Variants in SETD1B observed in about 807,000 individuals in gnomAD.
SETD1B encodes SET domain containing 1B, histone lysine methyltransferase.
In SETD1B, 7 loss-of-function variants were observed where a neutral mutation model predicts 148.0. That is an observed-to-expected ratio of 0.05 (90% CI 0.03 to 0.09). The LOEUF (loss-of-function observed/expected upper bound fraction) is 0.09, where lower values mean the gene tolerates loss of function less well. Among genes scored for constraint, SETD1B ranks in the 10% least tolerant of loss-of-function variants. The probability of loss-of-function intolerance (pLI) is 1.00; values close to 1 mark genes in which losing one functional copy is unlikely to be tolerated. For missense variants in SETD1B, 2,155 were observed against 2,729.9 expected (o/e 0.79, Z 4.69); for synonymous variants, 1,361 against 1,186.5 (o/e 1.15, Z -3.02).
rs1877039151 is a variant in SETD1B at position 121,830,403 on chromosome 12, C to T, written c.*164C>T. ...GCGCCCCACACTACCCCCTGGAGCC[C>T]CTGGCTCCGGCCCCTCCGCGGGAAA... On this transcript the variant is annotated 3_prime_UTR_variant, in exon 17 of 17. Transcript: ENST00000604567. This position sits in a 1 kb window ranked among gnomAD's most constrained non-coding sequence, Gnocchi z 5.7. 8.1e-6 allele frequency: 5 copies of T among 620,114 alleles called. 1 individual carries two copies. Among genetic ancestry groups the T allele is most frequent in the Non-Finnish European group, 1.4e-5 (5 of 366,442 alleles). The allele number at this position is 620,114 out of a possible 1,614,324, so 38.4% of individuals were successfully genotyped here.
chr12:121,799,740 G>GGGGGGGGGGGGGC (rs1566540807), upstream of SETD1B: 1 of 109,094 alleles, frequency 9.2e-6, no homozygotes, highest in Non-Finnish European at 2.1e-5. Flanking sequence ...GTGGGGTGGG[G>GGGGGGGGGGGGGC]CGGGGCCGCA....
intron 6 of SETD1B, among the ~76,000 whole-genome samples, chr12:121,812,464 A>G (rs895978065): frequency 6.6e-5 from 10 of 150,904 alleles, no homozygotes; most frequent in Non-Finnish European, 1.5e-4. Context: ...GGTGCCGCAC[A>G]GGATGCTCCC....
At chr12:121,793,337 G>GC in the SETD1B span, 83 of 1,434,374 alleles carry the variant, frequency 5.8e-5, no homozygotes, top group Non-Finnish European at 7.1e-5. Context: ...TCCCGGATCA[G>GC]CCCCCCCTCA....
At position 121,830,987 on chromosome 12, in the gene SETD1B, T is replaced by G. The variant is rs1877066751; in HGVS notation, c.*748T>G. 1 of 152,438 alleles carries G rather than the reference T, an allele frequency of 6.6e-6. No individual in the cohort carries two copies. The highest frequency in any genetic ancestry group is 2.1e-4 in the South Asian group (1 of 4,834). The allele number at this position is 152,438 out of a possible 1,614,324, so 9.4% of individuals were successfully genotyped here. On this transcript the variant is annotated 3_prime_UTR_variant, in exon 17 of 17. Transcript: ENST00000604567. This position sits in a 1 kb window ranked among gnomAD's most constrained non-coding sequence, Gnocchi z 5.7. ...AGGGGTCTCCGCTCTGGGCTTTCCC[T>G]GCCACCTCACACCCCAGCACCCCCT...
At position 121,817,776 on chromosome 12, in the gene SETD1B, C is replaced by A; in HGVS notation, c.3313-23C>A. The A allele has an allele frequency of 6.5e-7, 1 of 1,544,758 alleles. No individual in the cohort carries two copies. Among genetic ancestry groups the A allele is most frequent in the Non-Finnish European group, 8.7e-7 (1 of 1,143,090 alleles). ...GGGCCAGACCCTTCGGCTCACCTGT[C>A]CCCACTCTTCCTTCTCCCCCAGGAT... is the stretch of plus-strand genomic sequence containing the variant. On this transcript the variant is annotated intron_variant, in intron 9 of 16. Transcript: ENST00000604567. The surrounding 1 kb of genome is among the most constrained non-coding windows in gnomAD (Gnocchi z 8.1).
intron 7 of SETD1B, among the ~76,000 whole-genome samples, chr12:121,815,786 C>T (rs1349021614): frequency 6.6e-6 from 1 of 151,750 alleles, no homozygotes; most frequent in Non-Finnish European, 1.5e-5. Context: ...TATGCGTCAG[C>T]CACCGCTCCT....
At position 121,810,253 on chromosome 12, in the gene SETD1B, C is replaced by G. The variant is rs1344662348; in HGVS notation, c.1308C>G (p.Pro436=). Residue 436 remains proline (P), a synonymous_variant, in exon 6 of 17, where the codon CCC becomes CCG. Coordinates refer to ENST00000604567, the MANE Select transcript of SETD1B (RefSeq NM_001353345.2). This position sits in a 1 kb window ranked among gnomAD's most constrained non-coding sequence, Gnocchi z 7.6. ...GEFRRAPAPP[P]LPPAEPLAKE... is the part of the protein sequence containing the mutation. The stretch of plus-strand genomic sequence containing the variant: ...TCCGGAGGGCACCGGCGCCCCCACC[C>G]CTGCCACCTGCTGAGCCTCTGGCCA... 2 of 1,545,924 alleles carry G rather than the reference C, an allele frequency of 1.3e-6. No homozygotes were observed. Among genetic ancestry groups the G allele is most frequent in the Non-Finnish European group, 1.7e-6 (2 of 1,146,804 alleles).
the SETD1B span, chr12:121,795,348 A>G: frequency 1.3e-5 from 2 of 152,322 alleles, no homozygotes; most frequent in African/African-American, 4.8e-5. Flanking sequence ...AAGCAGTGCA[A>G]TGGAGGTTGG....
chr12:121,801,202 G>A (rs1044470928), upstream of SETD1B: 5 of 152,256 alleles, frequency 3.3e-5, no homozygotes, highest in Non-Finnish European at 7.3e-5. Flanking sequence ...ACGATCGAAA[G>A]GAAAGTGGGC....
rs1487558104 is a variant in SETD1B at position 121,810,261 on chromosome 12, C to A, written c.1316C>A (p.Pro439His). Residue 439 changes from proline (P) to histidine (H), a missense_variant, in exon 6 of 17, where the codon CCT (proline) becomes CAT (histidine). Physicochemically the swap from Pro to His is moderately conservative, Grantham distance 77. Transcript: ENST00000604567. This position sits in a 1 kb window ranked among gnomAD's most constrained non-coding sequence, Gnocchi z 7.6. ...RRAPAPPPLP[P>H]AEPLAKEKPG... is the part of the protein sequence containing the mutation. Reference sequence around the variant, plus strand: ...GCACCGGCGCCCCCACCCCTGCCACCTGCTGAGCCTCTGGCCAAGGAGAAG... The same window carrying A: ...GCACCGGCGCCCCCACCCCTGCCACATGCTGAGCCTCTGGCCAAGGAGAAG... 21 of 1,545,356 alleles carry A rather than the reference C, an allele frequency of 1.4e-5. No individual in the cohort carries two copies. Among genetic ancestry groups the A allele is most frequent in the Non-Finnish European group, 1.8e-5 (21 of 1,146,782 alleles).
upstream of SETD1B, chr12:121,802,927 C>T (rs1345304642): frequency 6.6e-6 from 1 of 152,266 alleles, no homozygotes; most frequent in East Asian, 1.9e-4. Flanking sequence ...CATCTGTTGG[C>T]CTCTCCTTCG....
chr12:121,817,291 G>A lies in SETD1B; in HGVS notation c.2974G>A (p.Glu992Lys). Residue 992 changes from glutamate (E) to lysine (K), a missense_variant, in exon 8 of 17, where the codon GAA (glutamate) becomes AAA (lysine). Transcript: ENST00000604567. The surrounding 1 kb of genome is among the most constrained non-coding windows in gnomAD (Gnocchi z 8.1). ...RPSTSVDEED[E>K]ESERERDRDM... is the part of the protein sequence containing the mutation. ...CTCGACCTCTGTGGATGAGGAAGAT[G>A]AAGGTTCGTGCTCTGGGTGCTGGGG... is the stretch of plus-strand genomic sequence containing the variant. The A allele has an allele frequency of 6.5e-7, 1 of 1,550,146 alleles. No homozygotes were observed. Among genetic ancestry groups the A allele is most frequent in the Non-Finnish European group, 8.7e-7 (1 of 1,146,466 alleles).
Position 121,804,778 on chromosome 12 carries a change from C to A in SETD1B, c.41C>A (p.Pro14His). The change falls in exon 2 of 17, where the codon CCC becomes CAC. Residue 14 changes from proline (P) to histidine (H), a missense_variant. This residue lies in a region of SETD1B where 36 missense variants were observed against 23.5 expected (regional missense o/e 1.53). Transcript: ENST00000604567. The surrounding 1 kb of genome is among the most constrained non-coding windows in gnomAD (Gnocchi z 4.6). ...CCCCCCCACCACCACCACCAGCAGCCCCCGCCGCAGCCCGGCCCTTCGGGC... is the reference window on the plus strand; with the variant it reads ...CCCCCCCACCACCACCACCAGCAGCACCCGCCGCAGCCCGGCCCTTCGGGC... ...SHPPHHHHQQ[P>H]PPQPGPSGER... The A allele has an allele frequency of 6.4e-7, 1 of 1,550,890 alleles. No individual in the cohort carries two copies. Among genetic ancestry groups the A allele is most frequent in the Non-Finnish European group, 8.7e-7 (1 of 1,146,770 alleles).
At chr12:121,797,096 GGAA>G in the SETD1B span, 1 of 235,104 alleles carries the variant, frequency 4.3e-6, no homozygotes, top group Non-Finnish European at 8.6e-6. Context: ...GGAGCTTGCT[GGAA>G]GTCACATGCC....
the SETD1B span, chr12:121,793,119 C>A: frequency 6.5e-7 from 1 of 1,538,216 alleles, no homozygotes. Context: ...GGCGGGCGGA[C>A]CCTCGGGCCC....
In SETD1B at chr12:121,811,041, C is replaced by G. The variant is rs139268466; in HGVS notation, c.1890+206C>G. ...TGAGCAATTGGTTTGGCAATGAGCT[C>G]CCTAGCAGCCGTGGAGAGAAGGAAA... On this transcript the variant is annotated intron_variant, in intron 6 of 16. Transcript: ENST00000604567. Among the ~76,000 whole-genome samples, 15 of 152,310 alleles carry G rather than the reference C, an allele frequency of 9.8e-5. No individual in the cohort carries two copies. The East Asian group carries it at 2.9e-3, about 29-fold the overall frequency.
Position 121,814,662 on chromosome 12 carries a change from C to G in SETD1B, c.2447C>G (p.Pro816Arg). The change falls in exon 7 of 17, where the codon CCC (proline) becomes CGC (arginine). Residue 816 changes from proline (P) to arginine (R), a missense_variant. By Grantham distance (103) the Pro-to-Arg change is moderately radical. Around this residue, in one of 11 missense-constraint regions of SETD1B, gnomAD observed 289 missense variants for 423.7 expected, o/e 0.68. Transcript: ENST00000604567. ...GGGCTCCAGTTTGTCAACCTGCCGC[C>G]CTACCGGGGCCCCTTCTCCCTGAGC... The part of the protein sequence containing the change: ...SAGLQFVNLP[P>R]YRGPFSLSNS... 6.5e-7 allele frequency: 1 copy of G among 1,549,272 alleles called. No homozygotes were observed. The highest frequency in any genetic ancestry group is 8.7e-7 in the Non-Finnish European group (1 of 1,146,384).
intron 7 of SETD1B, among the ~76,000 whole-genome samples, chr12:121,816,726 G>A (rs1876307782): frequency 6.6e-6 from 1 of 152,252 alleles, no homozygotes; most frequent in African/African-American, 2.4e-5. Context: ...TGTGAAGGTG[G>A]TGTTGCACAG....
intron 7 of SETD1B, among the ~76,000 whole-genome samples, chr12:121,815,823 C>CTTT (rs994063316): frequency 1.2e-4 from 14 of 118,176 alleles, no homozygotes; most frequent in African/African-American, 3.3e-4. Context: ...TCTTTTCTTT[C>CTTT]TTTTTTTTTT....
Sources: gnomAD v4.1 joint callset for allele counts (sites outside exome capture counted in the v4.1 genomes callset) on GRCh38, gnomAD v4.1.1 for gene constraint, gnomAD v4.1.1 regional missense constraint, Gnocchi (gnomAD v3.1) non-coding constraint, MANE v1.5 for transcripts, NCBI Gene and HGNC (gene_info 2026-07-23, HGNC 2026-07-21) for gene names.